Variants in CSF1R observed in about 807,000 individuals in gnomAD.
The protein encoded by CSF1R is macrophage colony-stimulating factor 1 receptor.
A neutral mutation model predicts 110.0 loss-of-function variants in CSF1R; 40 were observed. The ratio of observed to expected loss-of-function variants is 0.36; its 90% confidence interval spans 0.28 to 0.47. CSF1R has a LOEUF of 0.47. Among genes scored for constraint, CSF1R ranks in the 20% least tolerant of loss-of-function variants. The probability of loss-of-function intolerance (pLI) is 0.99; values close to 1 mark genes in which losing one functional copy is unlikely to be tolerated. For missense variants in CSF1R, 1,052 were observed against 1,253.0 expected (o/e 0.84, Z 2.42); for synonymous variants, 523 against 503.4 (o/e 1.04, Z -0.52).
rs113284195 is a variant in CSF1R, at chr5:150,085,004, C to T, written c.49+1375G>A. ...TGCAAAATAAGAAGTCCAGGCCGGG[C>T]GCCGTGACTCACACCAGTAATCCCA... On this transcript the variant is annotated intron_variant, in intron 1 of 20. Coordinates refer to ENST00000675795, the MANE Select transcript of CSF1R (RefSeq NM_001288705.3). 5.8e-3 allele frequency among the ~76,000 whole-genome samples: 889 copies of T among 152,094 alleles called. 9 individuals are homozygous for T. Among genetic ancestry groups the T allele is most frequent in the African/African-American group, 0.019 (780 of 41,490 alleles).
At chr5:150,098,614 A>C (rs563937372) in intron 1 of CSF1R, 2 of 152,338 alleles carry the variant, frequency 1.3e-5, no homozygotes, top group African/African-American at 4.8e-5. Context: ...AACATTGCAT[A>C]TCTTATAAAG....
At chr5:150,055,010 A>T (rs893861267) in intron 19 of CSF1R, among the ~76,000 whole-genome samples, 4 of 151,780 alleles carry the variant, frequency 2.6e-5, no homozygotes, top group Admixed American at 2.0e-4. Context: ...AAAAAAAAAA[A>T]AAAAGGAAAA....
intron 10 of CSF1R, among the ~76,000 whole-genome samples, chr5:150,065,091 C>G (rs1757701667): frequency 6.6e-6 from 1 of 152,180 alleles, no homozygotes; most frequent in Non-Finnish European, 1.5e-5. Flanking sequence ...GCACATCACC[C>G]CATTCATTCC....
At chr5:150,084,475 T>G (rs972758315) in intron 1 of CSF1R, among the ~76,000 whole-genome samples, 4 of 135,462 alleles carry the variant, frequency 3.0e-5, no homozygotes, top group East Asian at 2.3e-4. Flanking sequence ...AGGAAGGAGA[T>G]GGAGTCTTGC....
Position 150,070,183 on chromosome 5 carries a change from T to C in CSF1R, c.1318A>G (p.Arg440Gly). The change falls in exon 8 of 21, where the codon AGG (arginine) becomes GGG (glycine). Residue 440 changes from arginine to glycine, a missense_variant and splice_region_variant. By Grantham distance (125) the Arg-to-Gly change is moderately radical. Around this residue, in one of 5 missense-constraint regions of CSF1R, gnomAD observed 693 missense variants for 735.4 expected, o/e 0.94. Transcript: ENST00000675795. ...TWLQCSGHTD[R>G]CDEAQVLQVW... ...GGGAGGTGAGTGGAGCCCACTTACC[T>C]ATCAGTGTGGCCACTGCACTGCAGC... The C allele has an allele frequency of 6.2e-7, 1 of 1,613,716 alleles. No individual in the cohort carries two copies. The highest frequency in any genetic ancestry group is 8.5e-7 in the Non-Finnish European group (1 of 1,179,798).
intron 5 of CSF1R, among the ~76,000 whole-genome samples, chr5:150,075,960 T>A (rs188611292): frequency 6.6e-6 from 1 of 152,370 alleles, no homozygotes; most frequent in African/African-American, 2.4e-5. Flanking sequence ...ATGATTCTCA[T>A]GCTCCTCGCC....
intron 5 of CSF1R, 89 bp downstream of exon 5, chr5:150,077,187 T>C: frequency 6.5e-7 from 1 of 1,544,568 alleles, no homozygotes; most frequent in Non-Finnish European, 8.9e-7. Flanking sequence ...GCAGGTCTCC[T>C]TCCCTGACAT....
chr5:150,069,964 A>C lies in CSF1R; in HGVS notation c.1419T>G (p.Thr473=), dbSNP rs1757961392. ...FHKVTVQSLL[T]VETLEHNQTY... is the part of the protein sequence containing the mutation. Reference sequence around the variant, plus strand: ...TTTGGTTGTGCTCTAAGGTCTCAACAGTCAGCAGGCTCTGCACCGTCACCT... The same window carrying C: ...TTTGGTTGTGCTCTAAGGTCTCAACCGTCAGCAGGCTCTGCACCGTCACCT... Residue 473 remains threonine (T), a synonymous_variant, in exon 9 of 21, where the codon ACT becomes ACG. Transcript: ENST00000675795. The C allele has an allele frequency of 1.2e-6, 2 of 1,614,012 alleles. No homozygotes were observed. The highest frequency in any genetic ancestry group is 2.7e-5 in the African/African-American group (2 of 74,912).
At chr5:150,078,596 C>G (rs1219362462) in intron 3 of CSF1R, among the ~76,000 whole-genome samples, 1 of 152,208 alleles carries the variant, frequency 6.6e-6, no homozygotes, top group Non-Finnish European at 1.5e-5. Context: ...TAAATGGGAC[C>G]ATGCCTCTCT....
chr5:150,064,917 G>A (rs951403048), intron 10 of CSF1R, among the ~76,000 whole-genome samples: 7 of 152,218 alleles, frequency 4.6e-5, no homozygotes, highest in African/African-American at 1.7e-4. Flanking sequence ...AAGGGCTCAT[G>A]GGCGTCTACC....
rs114436902 is a variant in CSF1R, at chr5:150,084,113, G to T, written c.49+2266C>A. 1.2e-4 allele frequency among the ~76,000 whole-genome samples: 18 copies of T among 152,080 alleles called. No individual in the cohort carries two copies. In the East Asian group the frequency reaches 3.3e-3, roughly 28 times the overall value. Reference sequence around the variant, plus strand: ...GCACTTTGGGACGCCAAGGCAGGGGGATCGCTTGAGTTCAGGAGTTCGAGA... The same window carrying T: ...GCACTTTGGGACGCCAAGGCAGGGGTATCGCTTGAGTTCAGGAGTTCGAGA... On this transcript the variant is annotated intron_variant, in intron 1 of 20. Coordinates refer to ENST00000675795, the MANE Select transcript of CSF1R (RefSeq NM_001288705.3).
chr5:150,079,277 G>A (rs1246694973), intron 3 of CSF1R, among the ~76,000 whole-genome samples: 2 of 152,214 alleles, frequency 1.3e-5, no homozygotes, highest in Non-Finnish European at 2.9e-5. Context: ...GGCAGGTTTA[G>A]TGGCTTCAGA....
Position 150,079,987 on chromosome 5 carries a change from A to G in CSF1R, c.592+65T>C, listed in dbSNP as rs551392037. The G allele has an allele frequency of 1.7e-3, 2,618 of 1,564,508 alleles. 31 individuals carry two copies. In the South Asian group the frequency reaches 0.023, roughly 14 times the overall value. ...CACACCCAGTCCCCAGTCACCACCCATGTGGCCGCCGGCTCTCTGTCCCCA... is the reference window on the plus strand; with the variant it reads ...CACACCCAGTCCCCAGTCACCACCCGTGTGGCCGCCGGCTCTCTGTCCCCA... On this transcript the variant is annotated intron_variant, in intron 3 of 20. Transcript: ENST00000675795.
At chr5:150,084,635 G>C (rs1758750922) in intron 1 of CSF1R, among the ~76,000 whole-genome samples, 1 of 151,650 alleles carries the variant, frequency 6.6e-6, no homozygotes, top group Admixed American at 6.6e-5. Context: ...GTATTTTTTA[G>C]TAGAGAGGGG....
At chr5:150,060,232 C>A (rs1290769246) in intron 13 of CSF1R, among the ~76,000 whole-genome samples, 1 of 151,126 alleles carries the variant, frequency 6.6e-6, no homozygotes, top group African/African-American at 2.4e-5. Context: ...GAGGTTGAGG[C>A]AGGAGAATTG....
intron 1 of CSF1R, among the ~76,000 whole-genome samples, chr5:150,101,801 G>A (rs1759413641): frequency 3.3e-5 from 5 of 151,826 alleles, no homozygotes; most frequent in Admixed American, 3.3e-4. Flanking sequence ...GCTTGTAAGA[G>A]TGTGTGTATA....
At chr5:150,076,326 CTAT>C (rs1758257634) in intron 5 of CSF1R, among the ~76,000 whole-genome samples, 16 of 1,052 alleles carry the variant, frequency 0.015, no homozygotes, top group Admixed American at 0.14. Flanking sequence ...TACTTCCTAT[CTAT>C]CTATCTATCT....
intron 13 of CSF1R, 112 bp from the exon 14 acceptor site, chr5:150,059,974 G>C (rs987924159): frequency 1.4e-5 from 18 of 1,241,542 alleles, no homozygotes; most frequent in Non-Finnish European, 1.9e-5. Context: ...GCATAGCTGA[G>C]TTCTAACCTC....
intron 14 of CSF1R, 79 bp from the exon 15 acceptor site, chr5:150,057,671 A>AC: frequency 9.7e-7 from 1 of 1,026,626 alleles, no homozygotes. Context: ...ACCACCCACC[A>AC]CCCCATGGTC....
Sources: allele counts gnomAD v4.1 joint callset (sites outside exome capture counted in the v4.1 genomes callset), GRCh38; gene constraint gnomAD v4.1.1; regional missense constraint gnomAD v4.1.1; transcripts MANE v1.5; gene names NCBI Gene and HGNC (gene_info 2026-07-23, HGNC 2026-07-21).